The following OVCH1 variants were observed in gnomAD, a reference collection of about 807,000 sequenced individuals.
OVCH1 encodes ovochymase-1.
In OVCH1, 139 loss-of-function variants were observed where a neutral mutation model predicts 138.4. The ratio of observed to expected loss-of-function variants is 1.00; its 90% CI spans 0.87 to 1.16. The LOEUF is 1.16. Among genes scored for constraint, OVCH1 ranks in the 50% most tolerant of loss-of-function variants. The pLI, the probability that OVCH1 is intolerant of heterozygous loss-of-function variation, is 0.00. For missense variants in OVCH1, 1,367 were observed against 1,357.9 expected (o/e 1.01, Z -0.11); for synonymous variants, 453 against 467.8 (o/e 0.97, Z 0.41).
intron 21 of OVCH1, among the ~76,000 whole-genome samples, chr12:29,453,472 G>A (rs535500385): frequency 6.6e-6 from 1 of 152,032 alleles, no homozygotes; most frequent in African/African-American, 2.4e-5. Flanking sequence ...TTATCCTTAT[G>A]GTCAGCCCCT....
chr12:29,461,795 G>A lies in OVCH1; in HGVS notation c.2280+59C>T, dbSNP rs764455448. Reference sequence around the variant, plus strand: ...TCAGCAATGGTTTCTCCTGTCTATAGAAACTCTTCAGCAGATGGCAATTTT... The same window carrying A: ...TCAGCAATGGTTTCTCCTGTCTATAAAAACTCTTCAGCAGATGGCAATTTT... On this transcript the variant is annotated intron_variant, in intron 19 of 27. Transcript: ENST00000318184. 9 of 1,600,040 alleles carry A rather than the reference G, an allele frequency of 5.6e-6. No individual in the cohort carries two copies. The Admixed American group carries it at 8.4e-5, about 15-fold the overall frequency.
chr12:29,475,773 A>G (rs1942685731), intron 13 of OVCH1, among the ~76,000 whole-genome samples: 1 of 152,232 alleles, frequency 6.6e-6, no homozygotes, highest in African/African-American at 2.4e-5. Flanking sequence ...GTAAATTGTT[A>G]GGTCACGATT....
chr12:29,475,520 C>CA (rs1803742602), intron 13 of OVCH1, among the ~76,000 whole-genome samples: 2 of 151,862 alleles, frequency 1.3e-5, no homozygotes, highest in African/African-American at 4.8e-5. Flanking sequence ...CCAAAGAGGA[C>CA]ATAAGCATAC....
At chr12:29,460,752 C>G (rs1592067751) in intron 19 of OVCH1, among the ~76,000 whole-genome samples, 1 of 152,042 alleles carries the variant, frequency 6.6e-6, no homozygotes, top group Non-Finnish European at 1.5e-5. Context: ...AGATTGGCTG[C>G]CTTCCCTTCC....
chr12:29,484,041 T>G (rs531329553), intron 8 of OVCH1, among the ~76,000 whole-genome samples: 1 of 152,342 alleles, frequency 6.6e-6, no homozygotes, highest in East Asian at 1.9e-4. Context: ...CTTGTAGAAC[T>G]GTTATCTTTG....
At chr12:29,486,945 T>C in intron 7 of OVCH1, 1 of 455,762 alleles carries the variant, frequency 2.2e-6, no homozygotes, top group Non-Finnish European at 4.4e-6. Context: ...AGTGGAGCAG[T>C]GAAGAGGCCT....
At chr12:29,486,954 C>G (rs1476118036) in intron 7 of OVCH1, 2 of 455,644 alleles carry the variant, frequency 4.4e-6, no homozygotes, top group Non-Finnish European at 8.8e-6. Flanking sequence ...GTGAAGAGGC[C>G]TTTTACATCT....
intron 13 of OVCH1, among the ~76,000 whole-genome samples, 189 bp from the exon 14 acceptor site, chr12:29,475,378 G>T (rs1289124908): frequency 6.6e-6 from 1 of 151,894 alleles, no homozygotes; most frequent in Admixed American, 6.6e-5. Context: ...AATTTTAATT[G>T]CACAGAAAAA....
At position 29,453,866 on chromosome 12, in the gene OVCH1, T is replaced by C. The variant is rs186017769; in HGVS notation, c.2530+975A>G. ...GGGGGCATTTTGCTCTCTCAATTTA[T>C]GATCATTCATCTCAGGGGGCCTTTA... On this transcript the variant is annotated intron_variant, in intron 21 of 27. Transcript: ENST00000318184. Among the ~76,000 whole-genome samples the C allele has an allele frequency of 2.6e-5, 4 of 152,274 alleles. No homozygotes were observed. The East Asian group carries it at 7.7e-4, about 29-fold the overall frequency.
chr12:29,492,220 T>C (rs1943291578), intron 4 of OVCH1, among the ~76,000 whole-genome samples: 1 of 152,024 alleles, frequency 6.6e-6, no homozygotes, highest in Non-Finnish European at 1.5e-5. Context: ...TGTAGTTATC[T>C]GGGTGGAAGT....
chr12:29,496,607 G>A (rs1943425042), exon 2 of OVCH1: 1 of 1,613,688 alleles, frequency 6.2e-7, no homozygotes, highest in Admixed American at 1.7e-5. Context: ...TAATTCTAGA[G>A]AAGAATCTAG....
At chr12:29,407,987 C>T (rs1328681014), downstream of OVCH1, among the ~76,000 whole-genome samples, 1,281 of 141,970 alleles carry the variant, frequency 9.0e-3, 21 homozygotes, top group African/African-American at 0.03. Context: ...TTTCCTTGAG[C>T]AGTGGTTTGT....
chr12:29,484,232 A>G (rs913281428), intron 8 of OVCH1, among the ~76,000 whole-genome samples: 11 of 152,206 alleles, frequency 7.2e-5, no homozygotes, highest in South Asian at 4.1e-4. Flanking sequence ...TAGGACATGA[A>G]CTATTTTCCA....
At chr12:29,451,225 T>G (rs1050800492) in intron 22 of OVCH1, 120 bp downstream of exon 22, 4 of 589,686 alleles carry the variant, frequency 6.8e-6, no homozygotes, top group Non-Finnish European at 1.1e-5. Flanking sequence ...GAAAAAGCAT[T>G]CCTATTACAT....
intron 19 of OVCH1, 75 bp downstream of exon 19, chr12:29,461,779 G>T: frequency 1.3e-6 from 2 of 1,573,204 alleles, no homozygotes; most frequent in South Asian, 1.1e-5. Context: ...TTCAGCAATG[G>T]TTTCTCCTGT....
At chr12:29,440,620 G>T in intron 25 of OVCH1, 1 of 422,194 alleles carries the variant, frequency 2.4e-6, no homozygotes, top group South Asian at 1.7e-5. Flanking sequence ...GTGTTCTGTA[G>T]GGCAAGAAAG....
chr12:29,487,988 G>A (rs1357874231), intron 6 of OVCH1, 106 bp from the exon 7 acceptor site: 1 of 1,095,604 alleles, frequency 9.1e-7, no homozygotes, highest in Non-Finnish European at 1.3e-6. Flanking sequence ...AGAGGTAGAG[G>A]CAAAGAAGTC....
intron 22 of OVCH1, among the ~76,000 whole-genome samples, chr12:29,451,045 C>T (rs901768805): frequency 2.6e-5 from 4 of 151,864 alleles, no homozygotes; most frequent in African/African-American, 9.7e-5. Flanking sequence ...AGGGATAGCA[C>T]TAGGAGAAGT....
intron 26 of OVCH1, among the ~76,000 whole-genome samples, chr12:29,435,573 C>T (rs1023396658): frequency 2.6e-5 from 4 of 152,064 alleles, no homozygotes; most frequent in African/African-American, 4.8e-5. Context: ...CCAGGATGGT[C>T]TTGATCTCCT....
Sources: allele counts gnomAD v4.1 joint callset (sites outside exome capture counted in the v4.1 genomes callset), GRCh38; gene constraint gnomAD v4.1.1; transcripts MANE v1.5; gene names NCBI Gene and HGNC (gene_info 2026-07-23, HGNC 2026-07-21).